Variants in ROBO1 observed in about 807,000 individuals in gnomAD.
The protein encoded by ROBO1 is roundabout homolog 1.
ROBO1 carries 149 observed loss-of-function variants against 195.9 expected under a neutral mutation model. That is an observed-to-expected ratio of 0.76 (90% CI 0.67 to 0.87). The LOEUF (loss-of-function observed/expected upper bound fraction) is 0.87, where lower values mean the gene tolerates loss of function less well. Ranked by LOEUF, ROBO1 falls within the 40% of genes least tolerant of loss-of-function variation. The probability of loss-of-function intolerance (pLI) is 0.00; values close to 1 mark genes in which losing one functional copy is unlikely to be tolerated. For synonymous variants in ROBO1, 816 were observed against 733.2 expected (o/e 1.11, Z -1.82); for missense variants, 1,933 against 2,068.3 (o/e 0.93, Z 1.27).
chr3:79,619,400 C>G (rs1028581468), intron 1 of ROBO1, among the ~76,000 whole-genome samples: 3 of 152,136 alleles, frequency 2.0e-5, no homozygotes, highest in Admixed American at 6.5e-5. Flanking sequence ...CACACCTGAC[C>G]TAAAACGTAA....
intron 2 of ROBO1, among the ~76,000 whole-genome samples, chr3:79,418,808 A>G (rs1575800110): frequency 6.6e-6 from 1 of 152,154 alleles, no homozygotes; most frequent in South Asian, 2.1e-4. Context: ...GAAAACTTAG[A>G]AGATAAATAA....
At chr3:78,898,103 T>A (rs2037348102) in intron 4 of ROBO1, among the ~76,000 whole-genome samples, 1 of 150,296 alleles carries the variant, frequency 6.7e-6, no homozygotes, top group Non-Finnish European at 1.5e-5. Flanking sequence ...TTTAAATATA[T>A]ATATTTAATT....
chr3:79,446,426 G>C (rs2039257928), intron 2 of ROBO1, among the ~76,000 whole-genome samples: 1 of 152,122 alleles, frequency 6.6e-6, no homozygotes. Flanking sequence ...GAGGGCACTT[G>C]ACTTTGTCAC....
At chr3:79,388,923 T>A (rs1441362408) in intron 2 of ROBO1, among the ~76,000 whole-genome samples, 2 of 151,944 alleles carry the variant, frequency 1.3e-5, no homozygotes, top group Non-Finnish European at 2.9e-5. Context: ...TCTTTAAAAA[T>A]TAAAAACAAC....
intron 2 of ROBO1, among the ~76,000 whole-genome samples, chr3:79,229,090 T>C (rs2082276469): frequency 6.6e-6 from 1 of 152,118 alleles, no homozygotes; most frequent in Admixed American, 6.6e-5. Flanking sequence ...TAATAAAATA[T>C]ATATTCTGTG....
intron 2 of ROBO1, among the ~76,000 whole-genome samples, chr3:79,567,183 A>C (rs555175030): frequency 6.6e-6 from 1 of 152,180 alleles, no homozygotes; most frequent in Non-Finnish European, 1.5e-5. Flanking sequence ...ATTCTCAATT[A>C]TAAGTGGGAG....
intron 2 of ROBO1, among the ~76,000 whole-genome samples, chr3:79,535,281 A>G (rs1199632524): frequency 6.6e-6 from 1 of 152,118 alleles, no homozygotes; most frequent in East Asian, 1.9e-4. Context: ...GTCCAAAAAG[A>G]CACATTATTG....
chr3:79,318,397 C>T (rs575091329), intron 2 of ROBO1, among the ~76,000 whole-genome samples: 56 of 152,298 alleles, frequency 3.7e-4, no homozygotes, highest in Non-Finnish European at 5.4e-4. Context: ...TACTATGTCA[C>T]TTGTTAAATA....
At chr3:78,718,020 T>C in intron 5 of ROBO1, 137 bp from the exon 6 acceptor site, 1 of 812,074 alleles carries the variant, frequency 1.2e-6, no homozygotes, top group South Asian at 2.0e-5. Flanking sequence ...ATATGTAGTA[T>C]TTGCTATTTT....
chr3:78,686,771 A>G (rs967443439), intron 9 of ROBO1, among the ~76,000 whole-genome samples: 1 of 152,194 alleles, frequency 6.6e-6, no homozygotes, highest in Non-Finnish European at 1.5e-5. Flanking sequence ...TTAGCTATCC[A>G]TCATAAAAGT....
chr3:79,597,430 A>C (rs1435928178), intron 1 of ROBO1, among the ~76,000 whole-genome samples: 1 of 152,022 alleles, frequency 6.6e-6, no homozygotes, highest in African/African-American at 2.4e-5. Context: ...ATTATTTTAA[A>C]ATGGCATACA....
intron 1 of ROBO1, among the ~76,000 whole-genome samples, chr3:79,661,781 T>C (rs544514476): frequency 6.6e-6 from 1 of 152,056 alleles, no homozygotes. Context: ...CTATATCACA[T>C]TTTACATATT....
intron 7 of ROBO1, among the ~76,000 whole-genome samples, chr3:78,716,921 T>C (rs532225418): frequency 1.5e-4 from 23 of 152,300 alleles, no homozygotes; most frequent in Non-Finnish European, 2.5e-4. Context: ...AATTGGCTCA[T>C]AGATACATCC....
At chr3:79,328,376 T>C (rs34966766) in intron 2 of ROBO1, among the ~76,000 whole-genome samples, 3 of 152,106 alleles carry the variant, frequency 2.0e-5, no homozygotes, top group African/African-American at 7.2e-5. Context: ...ATCAATCTTG[T>C]TTTTCTTAGT....
intron 2 of ROBO1, among the ~76,000 whole-genome samples, chr3:79,505,282 A>T (rs1940330382): frequency 1.3e-5 from 2 of 152,242 alleles, no homozygotes; most frequent in South Asian, 4.1e-4. Context: ...GCGAAGAAAA[A>T]AAAAGAGACA....
intron 2 of ROBO1, among the ~76,000 whole-genome samples, chr3:79,475,309 C>T (rs1376255602): frequency 6.6e-6 from 1 of 151,932 alleles, no homozygotes; most frequent in East Asian, 1.9e-4. Flanking sequence ...AAAATGAACA[C>T]ATATTGTTTA....
chr3:79,488,558 G>T (rs1277700775), intron 2 of ROBO1, among the ~76,000 whole-genome samples: 2 of 152,052 alleles, frequency 1.3e-5, no homozygotes, highest in Admixed American at 6.5e-5. Flanking sequence ...AAAAAGAATA[G>T]AAATCATAAA....
At chr3:78,963,649 G>A (rs2041519804) in intron 3 of ROBO1, among the ~76,000 whole-genome samples, 1 of 151,480 alleles carries the variant, frequency 6.6e-6, no homozygotes, top group Non-Finnish European at 1.5e-5. Context: ...CTCCGGAGTA[G>A]CTGGGACTTC....
At chr3:79,008,530 T>C (rs1350354845) in intron 3 of ROBO1, among the ~76,000 whole-genome samples, 2 of 151,882 alleles carry the variant, frequency 1.3e-5, no homozygotes, top group African/African-American at 4.8e-5. Context: ...TACATATATA[T>C]AGTATACATA....
Sources: allele counts gnomAD v4.1 joint callset (sites outside exome capture counted in the v4.1 genomes callset), GRCh38; gene constraint gnomAD v4.1.1; transcripts MANE v1.5; gene names NCBI Gene and HGNC (gene_info 2026-07-23, HGNC 2026-07-21).